Variants in HOXC5 observed in about 807,000 individuals in gnomAD.
The protein encoded by HOXC5 is homeobox C5.
Under a neutral mutation model 20.1 loss-of-function variants are expected in HOXC5, and 19 were observed. The observed-to-expected ratio is 0.94, with a 90% CI of 0.66 to 1.38. The LOEUF is 1.38. Ranked by LOEUF, HOXC5 falls within the 40% of genes most tolerant of loss-of-function variation. The pLI is 0.00. For synonymous variants in HOXC5, 124 were observed against 117.0 expected (o/e 1.06, Z -0.39); for missense variants, 330 against 300.1 (o/e 1.10, Z -0.74).
chr12:54,021,651 A>G, the HOXC5 span: 1 of 151,996 alleles, frequency 6.6e-6, no homozygotes, highest in African/African-American at 2.4e-5. Flanking sequence ...GCTTTCTTCC[A>G]CCTTCCTCCC....
upstream of HOXC5, among the ~76,000 whole-genome samples, chr12:54,032,265 G>A (rs1941012878): frequency 6.6e-6 from 1 of 152,144 alleles, no homozygotes; most frequent in African/African-American, 2.4e-5. Context: ...CAAACAGCCT[G>A]CAACACCCTC....
chr12:54,026,727 ACTGT>A, the HOXC5 span, among the ~76,000 whole-genome samples: 3 of 152,140 alleles, frequency 2.0e-5, no homozygotes, highest in Admixed American at 1.3e-4. Context: ...GCTCCTGCAC[ACTGT>A]CTGCTTTTGG....
rs775617536 is a variant in HOXC5, at chr12:54,033,542, T to A, written c.420T>A (p.Ile140=). ...GLSQPPAPPQ[I]YPWMTKLHMS... is the part of the protein sequence containing the mutation. Reference sequence around the variant, plus strand: ...GCCAGCCACCGGCCCCGCCACAGATTTACCCGTGGATGACCAAACTGCACA... The same window carrying A: ...GCCAGCCACCGGCCCCGCCACAGATATACCCGTGGATGACCAAACTGCACA... The change falls in exon 1 of 2, where the codon ATT becomes ATA. Residue 140 remains isoleucine (I), a synonymous_variant. Transcript: ENST00000312492. The A allele has an allele frequency of 6.3e-7, 1 of 1,597,896 alleles. No individual in the cohort carries two copies. The highest frequency in any genetic ancestry group is 1.7e-5 in the Admixed American group (1 of 59,260).
Position 54,034,609 on chromosome 12 carries a change from C to T in HOXC5, c.*117C>T. 1 of 817,302 alleles carries T rather than the reference C, an allele frequency of 1.2e-6. No homozygotes were observed. Among genetic ancestry groups the T allele is most frequent in the Non-Finnish European group, 1.9e-6 (1 of 519,620 alleles). 50.6% of individuals were successfully genotyped at this position (817,302 alleles called of 1,614,324 possible). On this transcript the variant is annotated 3_prime_UTR_variant, in exon 2 of 2. Coordinates refer to ENST00000312492, the MANE Select transcript of HOXC5 (RefSeq NM_018953.4). ...GGGGCAGGTGCTGGAGCACTGGGCT[C>T]CCGGGCCCCACAGACAAAAGCGCTT...
intron 1 of HOXC5, 107 bp from the exon 2 acceptor site, chr12:54,034,171 G>T: frequency 9.0e-7 from 1 of 1,106,404 alleles, no homozygotes; most frequent in Admixed American, 1.7e-5. Flanking sequence ...TGCGGCTCTC[G>T]CCTCCTCTCC....
At chr12:54,020,182 T>G in the HOXC5 span, 1 of 152,348 alleles carries the variant, frequency 6.6e-6, no homozygotes, top group Non-Finnish European at 1.5e-5. Context: ...AGCCCTTCTG[T>G]GATTATCTAA....
At position 54,033,050 on chromosome 12, in the gene HOXC5, C is replaced by T. The variant is rs1043092789; in HGVS notation, c.-73C>T. 7.9e-7 allele frequency: 1 copy of T among 1,265,328 alleles called. No individual in the cohort carries two copies. Among genetic ancestry groups the T allele is most frequent in the Non-Finnish European group, 1.1e-6 (1 of 896,920 alleles). 78.4% of individuals were successfully genotyped at this position (1,265,328 alleles called of 1,614,324 possible). A position where few individuals can be genotyped will look rare whatever the true frequency, so the allele number is the denominator to read the frequency against. On this transcript the variant is annotated 5_prime_UTR_variant, in exon 1 of 2. Coordinates refer to ENST00000312492, the MANE Select transcript of HOXC5 (RefSeq NM_018953.4). ...TTGTCCACTTTGGAGAACAAAAAAC[C>T]CCTCAACTTCAAAGAGTCACAAATC... is the stretch of plus-strand genomic sequence containing the variant.
At chr12:54,020,667 T>C in the HOXC5 span, 1 of 152,228 alleles carries the variant, frequency 6.6e-6, no homozygotes, top group Non-Finnish European at 1.5e-5. Flanking sequence ...TTTATGTTCA[T>C]GCAAAATTTT....
At chr12:54,025,026 A>C in the HOXC5 span, among the ~76,000 whole-genome samples, 1 of 152,188 alleles carries the variant, frequency 6.6e-6, no homozygotes, top group Non-Finnish European at 1.5e-5. Flanking sequence ...TCTTGACACC[A>C]AGCCCCTTCC....
chr12:54,022,518 T>TCC, the HOXC5 span: 4 of 152,314 alleles, frequency 2.6e-5, no homozygotes, highest in East Asian at 7.7e-4. Context: ...CCAGTCTCTC[T>TCC]CTCTCTCTTT....
chr12:54,026,155 C>G, the HOXC5 span, among the ~76,000 whole-genome samples: 1 of 152,128 alleles, frequency 6.6e-6, no homozygotes, highest in Non-Finnish European at 1.5e-5. Context: ...CTCTTCCGGC[C>G]TCTTCTACTT....
chr12:54,025,993 T>A, the HOXC5 span, among the ~76,000 whole-genome samples: 1 of 152,004 alleles, frequency 6.6e-6, no homozygotes. Flanking sequence ...TCAACACTCA[T>A]TGAAAGTGAA....
the HOXC5 span, among the ~76,000 whole-genome samples, chr12:54,024,691 T>C: frequency 1.3e-5 from 2 of 148,488 alleles, no homozygotes; most frequent in Non-Finnish European, 3.0e-5. Flanking sequence ...AGTTCAGAGC[T>C]CACATGCCCC....
upstream of HOXC5, chr12:54,030,037 G>GT (rs1018610306): frequency 6.1e-6 from 8 of 1,319,302 alleles, no homozygotes; most frequent in African/African-American, 1.2e-4. Flanking sequence ...CACACACTCT[G>GT]TATTTATCAC....
chr12:54,033,415 T>A lies in HOXC5; in HGVS notation c.293T>A (p.Met98Lys). ...RDEAAPLNPGMYSQKAARPAL... is the reference protein window; with the variant it reads ...RDEAAPLNPGKYSQKAARPAL... ...GAAGCGGCTCCTCTGAACCCCGGGATGTACAGTCAGAAGGCGGCTCGCCCG... is the reference window on the plus strand; with the variant it reads ...GAAGCGGCTCCTCTGAACCCCGGGAAGTACAGTCAGAAGGCGGCTCGCCCG... The change falls in exon 1 of 2, where the codon ATG becomes AAG. Residue 98 changes from methionine (M) to lysine (K), a missense_variant. Met to Lys is a moderately conservative substitution (Grantham distance 95). Transcript: ENST00000312492. 6.2e-7 allele frequency: 1 copy of A among 1,609,822 alleles called. No homozygotes were observed. Among genetic ancestry groups the A allele is most frequent in the Non-Finnish European group, 8.5e-7 (1 of 1,178,580 alleles).
chr12:54,029,672 G>C, upstream of HOXC5: 11 of 1,613,598 alleles, frequency 6.8e-6, no homozygotes, highest in Non-Finnish European at 8.5e-6. Flanking sequence ...CTACGGAGCG[G>C]ACCGGAGGCG....
the HOXC5 span, among the ~76,000 whole-genome samples, chr12:54,026,850 G>T: frequency 6.6e-6 from 1 of 151,848 alleles, no homozygotes; most frequent in Non-Finnish European, 1.5e-5. Flanking sequence ...TGGCTTTATT[G>T]CTACCCATTG....
In HOXC5 at chr12:54,033,155, G is replaced by T. The variant is rs35606176; in HGVS notation, c.33G>T (p.Lys11Asn). ...CCTACGTAGCCAATTCATTCTATAAGCAGAGCCCCAATATCCCTGCCTATA... is the reference window on the plus strand; with the variant it reads ...CCTACGTAGCCAATTCATTCTATAATCAGAGCCCCAATATCCCTGCCTATA... MSSYVANSFY[K>N]QSPNIPAYNM... is the part of the protein sequence containing the mutation. The change falls in exon 1 of 2, where the codon AAG (lysine) becomes AAT (asparagine). Residue 11 changes from lysine to asparagine, a missense_variant. By Grantham distance (94) the Lys-to-Asn change is moderately conservative. Coordinates refer to ENST00000312492, the MANE Select transcript of HOXC5 (RefSeq NM_018953.4). 2.8e-5 allele frequency: 45 copies of T among 1,613,560 alleles called. No individual in the cohort carries two copies. The highest frequency in any genetic ancestry group is 3.5e-5 in the Non-Finnish European group (41 of 1,179,640).
At chr12:54,031,708 C>A (rs1309906512), upstream of HOXC5, among the ~76,000 whole-genome samples, 1 of 152,216 alleles carries the variant, frequency 6.6e-6, no homozygotes, top group East Asian at 1.9e-4. Flanking sequence ...GCCTCCAGTG[C>A]CTCCACCAGT....
Sources: allele counts gnomAD v4.1 joint callset (sites outside exome capture counted in the v4.1 genomes callset), GRCh38; gene constraint gnomAD v4.1.1; transcripts MANE v1.5; gene names NCBI Gene and HGNC (gene_info 2026-07-23, HGNC 2026-07-21).